TNR: variants seen among roughly 807,000 people sequenced by gnomAD.
The protein encoded by TNR is tenascin-R.
In TNR, 45 loss-of-function variants were observed where a neutral mutation model predicts 150.4. The ratio of observed to expected loss-of-function variants is 0.30; its 90% confidence interval spans 0.24 to 0.38. TNR has a LOEUF of 0.38. TNR is among the 10% of genes least tolerant of loss of function. The pLI, the probability that TNR is intolerant of heterozygous loss-of-function variation, is 1.00. For missense variants in TNR, 1,544 were observed against 1,759.1 expected, an observed-to-expected ratio of 0.88 and a Z score of 2.19; for synonymous variants, 687 against 678.4, an observed-to-expected ratio of 1.01 and a Z score of -0.20.
intron 1 of TNR, among the ~76,000 whole-genome samples, chr1:175,617,238 A>C (rs545893662): frequency 6.6e-6 from 1 of 152,346 alleles, no homozygotes; most frequent in East Asian, 1.9e-4. Context: ...TTACACAAAA[A>C]TATCTCTTCC....
At chr1:175,445,976 G>A (rs781725307) in intron 2 of TNR, among the ~76,000 whole-genome samples, 4 of 152,188 alleles carry the variant, frequency 2.6e-5, no homozygotes, top group Non-Finnish European at 5.9e-5. Context: ...GTTCCTGTGT[G>A]TCTGGCTTTT....
intron 2 of TNR, among the ~76,000 whole-genome samples, chr1:175,503,433 G>C (rs1196368354): frequency 6.6e-6 from 1 of 152,152 alleles, no homozygotes; most frequent in African/African-American, 2.4e-5. Context: ...ATATATATGA[G>C]AGTACTTGGT....
At chr1:175,708,133 C>T (rs2101932866) in intron 1 of TNR, among the ~76,000 whole-genome samples, 1 of 151,820 alleles carries the variant, frequency 6.6e-6, no homozygotes, top group East Asian at 1.9e-4. Context: ...TAACTTATTA[C>T]TTGCCATTTA....
At chr1:175,530,266 A>C (rs997548842) in intron 1 of TNR, among the ~76,000 whole-genome samples, 30 of 152,186 alleles carry the variant, frequency 2.0e-4, no homozygotes, top group African/African-American at 7.0e-4. Flanking sequence ...AAGTACAGGA[A>C]GTGGAACTGG....
intron 18 of TNR, among the ~76,000 whole-genome samples, chr1:175,338,904 C>T (rs1650379352): frequency 6.6e-6 from 1 of 152,206 alleles, no homozygotes; most frequent in Non-Finnish European, 1.5e-5. Context: ...ACTGCCCCCG[C>T]ACCAGGACTG....
At position 175,661,134 on chromosome 1, in the gene TNR, C is replaced by T. The variant is rs79948802; in HGVS notation, c.-165+82092G>A. On this transcript the variant is annotated intron_variant, in intron 1 of 22. Transcript: ENST00000367674. ...ACTTATTTCCTGAGCTCCTGCCCTC[C>T]ACCAGACATCTGGTAGAAGAACCAG... Among the ~76,000 whole-genome samples, 5 of 152,320 alleles carry T rather than the reference C, an allele frequency of 3.3e-5. No homozygotes were observed. The East Asian group carries it at 9.7e-4, about 29-fold the overall frequency.
chr1:175,344,434 G>A (rs915914240), intron 18 of TNR, among the ~76,000 whole-genome samples: 3 of 152,200 alleles, frequency 2.0e-5, no homozygotes, highest in Non-Finnish European at 4.4e-5. Flanking sequence ...GCTTTGGGAA[G>A]TCAGCACGAA....
intron 1 of TNR, among the ~76,000 whole-genome samples, chr1:175,728,313 T>G (rs1667536428): frequency 6.6e-6 from 1 of 152,198 alleles, no homozygotes. Flanking sequence ...TCAGGAGGCC[T>G]GAAGTCAAGA....
At chr1:175,542,410 G>A (rs1660539822) in intron 1 of TNR, among the ~76,000 whole-genome samples, 1 of 152,174 alleles carries the variant, frequency 6.6e-6, no homozygotes, top group Admixed American at 6.5e-5. Flanking sequence ...AGCTGCCCCT[G>A]CTATGAGGAA....
At chr1:175,411,048 C>T (rs1571402611) in intron 2 of TNR, among the ~76,000 whole-genome samples, 2 of 152,034 alleles carry the variant, frequency 1.3e-5, no homozygotes, top group East Asian at 1.9e-4. Context: ...ATGGCTTGTT[C>T]GATGAATGCA....
At position 175,415,610 on chromosome 1, in the gene TNR, G is replaced by A. The variant is rs146811536; in HGVS notation, c.-63-8833C>T. 9.6e-3 allele frequency among the ~76,000 whole-genome samples: 1,461 copies of A among 152,334 alleles called. 23 individuals are homozygous for A. The highest frequency in any genetic ancestry group is 0.031 in the African/African-American group (1,291 of 41,584). On this transcript the variant is annotated intron_variant, in intron 2 of 22. Transcript: ENST00000367674. ...TCCACACTCATTTTTCAGCACATGC[G>A]GTCAGCCCAGCATGTTCGTGGCTTC...
At chr1:175,742,477 G>A (rs1296598069) in intron 1 of TNR, among the ~76,000 whole-genome samples, 2 of 152,122 alleles carry the variant, frequency 1.3e-5, no homozygotes, top group East Asian at 3.9e-4. Flanking sequence ...GGTACCTCCT[G>A]CCTCCTTGCA....
intron 1 of TNR, among the ~76,000 whole-genome samples, chr1:175,555,278 C>A (rs1170731788): frequency 6.6e-6 from 1 of 152,086 alleles, no homozygotes; most frequent in Non-Finnish European, 1.5e-5. Context: ...TAGTCAAATT[C>A]TTGCAAGTGT....
At chr1:175,433,984 T>G (rs73042474) in intron 2 of TNR, among the ~76,000 whole-genome samples, 2,261 of 152,248 alleles carry the variant, frequency 0.015, 72 homozygotes, top group African/African-American at 0.052. Context: ...ATGCATTATT[T>G]TTTGGTTTAC....
intron 1 of TNR, among the ~76,000 whole-genome samples, chr1:175,741,568 A>T (rs1667933217): frequency 6.6e-6 from 1 of 152,080 alleles, no homozygotes; most frequent in Non-Finnish European, 1.5e-5. Context: ...GATGCTCTGC[A>T]TTTGTCTATT....
chr1:175,344,923 A>G (rs1346196251), intron 18 of TNR, among the ~76,000 whole-genome samples: 2 of 152,174 alleles, frequency 1.3e-5, no homozygotes, highest in Non-Finnish European at 2.9e-5. Context: ...CCTTGCCAAC[A>G]TGGTGAAACC....
chr1:175,579,310 A>G (rs188391196), intron 1 of TNR, among the ~76,000 whole-genome samples: 15 of 152,048 alleles, frequency 9.9e-5, no homozygotes, highest in Non-Finnish European at 2.2e-4. Context: ...GATATTTTAC[A>G]TGGGCTATGG....
intron 1 of TNR, among the ~76,000 whole-genome samples, chr1:175,660,636 C>CA (rs1365476809): frequency 6.6e-6 from 1 of 152,124 alleles, no homozygotes; most frequent in Non-Finnish European, 1.5e-5. Context: ...ATGGGACTCA[C>CA]AAAAAATACC....
At chr1:175,505,152 T>TA (rs1403032954) in intron 2 of TNR, among the ~76,000 whole-genome samples, 1 of 238 alleles carries the variant, frequency 4.2e-3, no homozygotes, top group East Asian at 0.05. Flanking sequence ...CCAGGCTGCC[T>TA]CGCTGTGCCC....
Sources: gnomAD v4.1 joint callset for allele counts (sites outside exome capture counted in the v4.1 genomes callset) on GRCh38, gnomAD v4.1.1 for gene constraint, MANE v1.5 for transcripts, NCBI Gene and HGNC (gene_info 2026-07-23, HGNC 2026-07-21) for gene names.